The following AGA variants were observed in gnomAD, a reference collection of about 807,000 sequenced individuals.
The protein encoded by AGA is N(4)-(beta-N-acetylglucosaminyl)-L-asparaginase.
Under a neutral mutation model 40.1 loss-of-function variants are expected in AGA, and 31 were observed. The ratio of observed to expected loss-of-function variants is 0.77; its 90% CI spans 0.58 to 1.04. The LOEUF (loss-of-function observed/expected upper bound fraction) is 1.04. AGA is among the 50% of genes least tolerant of loss of function. AGA has a pLI of 0.00. For synonymous variants in AGA, 148 were observed against 144.0 expected (o/e 1.03, Z -0.20); for missense variants, 445 against 435.4 (o/e 1.02, Z -0.20).
At chr4:177,432,356 T>C (rs1460813363) in intron 8 of AGA, among the ~76,000 whole-genome samples, 1 of 152,180 alleles carries the variant, frequency 6.6e-6, no homozygotes, top group Non-Finnish European at 1.5e-5. Flanking sequence ...TCATCCACAA[T>C]TATATAATTA....
intron 6 of AGA, 85 bp from the exon 7 acceptor site, chr4:177,434,574 C>A: frequency 2.7e-6 from 3 of 1,091,632 alleles, no homozygotes; most frequent in Middle Eastern, 2.0e-4. Flanking sequence ...AGGGATAGTT[C>A]CACTTAGCCT....
chr4:177,437,306 A>G (rs1378977173), intron 5 of AGA, 99 bp downstream of exon 5: 3 of 862,904 alleles, frequency 3.5e-6, no homozygotes, highest in Non-Finnish European at 5.8e-6. Flanking sequence ...TTGGCAGTTA[A>G]AACAATCAAA....
In AGA at chr4:177,436,262, T is replaced by C. The variant is rs1367503702; in HGVS notation, c.698+14A>G. 1.9e-6 allele frequency: 3 copies of C among 1,601,498 alleles called. No homozygotes were observed. The highest frequency in any genetic ancestry group is 2.2e-5 in the East Asian group (1 of 44,800). On this transcript the variant is annotated intron_variant, in intron 6 of 8. Transcript: ENST00000264595. ...GTGTATATTTGAGAGCTCTGTTCTTTTGGAAACACTAACCCATGTATTTTG... is the reference window on the plus strand; with the variant it reads ...GTGTATATTTGAGAGCTCTGTTCTTCTGGAAACACTAACCCATGTATTTTG...
chr4:177,434,233 C>T (rs1188500199), intron 7 of AGA, 149 bp downstream of exon 7: 7 of 727,356 alleles, frequency 9.6e-6, no homozygotes, highest in African/African-American at 1.8e-5. Context: ...AAACTCCTGA[C>T]CTCAGGTGAT....
Position 177,437,521 on chromosome 4 carries a change from T to G in AGA, c.508-2A>C. The G allele has an allele frequency of 1.3e-6, 2 of 1,585,888 alleles. No individual in the cohort carries two copies. Among genetic ancestry groups the G allele is most frequent in the Non-Finnish European group, 1.7e-6 (2 of 1,154,514 alleles). On this transcript the variant is annotated splice_acceptor_variant, in intron 4 of 8. Coordinates refer to ENST00000264595, the MANE Select transcript of AGA (RefSeq NM_000027.4). LOFTEE classifies it high-confidence loss of function. Reference sequence around the variant, plus strand: ...TTTTGAGGGATCTGGTATAACATTCTGTAAACAAGATTTAAGTTTTATTTC... The same window carrying G: ...TTTTGAGGGATCTGGTATAACATTCGGTAAACAAGATTTAAGTTTTATTTC...
intron 3 of AGA, 101 bp from the exon 4 acceptor site, chr4:177,438,958 A>T: frequency 1.3e-6 from 1 of 752,482 alleles, no homozygotes; most frequent in South Asian, 1.5e-5. Context: ...ATCTTAAGTG[A>T]GCTACACAAA....
chr4:177,439,773 T>G (rs960114190), intron 2 of AGA, 85 bp from the exon 3 acceptor site: 1 of 1,019,430 alleles, frequency 9.8e-7, no homozygotes, highest in Non-Finnish European at 1.6e-6. Flanking sequence ...CAATCAATAG[T>G]GTTTTGCGGT....
rs1433635506 is a variant in AGA, at chr4:177,440,345, T to C, written c.209A>G (p.Asp70Gly). The change falls in exon 2 of 9, where the codon GAC becomes GGC. Residue 70 changes from aspartate (D) to glycine (G), a missense_variant. Asp to Gly is a moderately conservative substitution (Grantham distance 94, BLOSUM62 -1). Coordinates refer to ENST00000264595, the MANE Select transcript of AGA (RefSeq NM_000027.4). Reference sequence around the variant, plus strand: ...ACTTCCTCCAAAGCCTACAGAGCCGTCACACTGCTCTCTCTCACACATGGC... The same window carrying C: ...ACTTCCTCCAAAGCCTACAGAGCCGCCACACTGCTCTCTCTCACACATGGC... ...GCAMCEREQC[D>G]GSVGFGGSPD... 6.2e-7 allele frequency: 1 copy of C among 1,614,074 alleles called. No homozygotes were observed. The highest frequency in any genetic ancestry group is 1.7e-5 in the Admixed American group (1 of 59,994).
Position 177,440,363 on chromosome 4 carries a change from C to T in AGA, c.191G>A (p.Cys64Tyr). 6.2e-7 allele frequency: 1 copy of T among 1,614,122 alleles called. No homozygotes were observed. Among genetic ancestry groups the T allele is most frequent in the Non-Finnish European group, 8.5e-7 (1 of 1,180,042 alleles). ...AGAGCCGTCACACTGCTCTCTCTCA[C>T]ACATGGCACAGCCGCTCTCCACTGC... ...LDAVESGCAM[C>Y]EREQCDGSVG... Residue 64 changes from cysteine to tyrosine, a missense_variant, in exon 2 of 9, where the codon TGT becomes TAT. By Grantham distance (194) the Cys-to-Tyr change is radical. Coordinates refer to ENST00000264595, the MANE Select transcript of AGA (RefSeq NM_000027.4).
At chr4:177,436,173 G>A (rs1736809441) in intron 6 of AGA, 103 bp downstream of exon 6, 2 of 930,192 alleles carry the variant, frequency 2.2e-6, no homozygotes, top group South Asian at 1.3e-5. Context: ...ATTCATCGCA[G>A]CTGTGAGACT....
chr4:177,437,472 A>G lies in AGA; in HGVS notation c.555T>C (p.Pro185=). The change falls in exon 5 of 9, where the codon CCT becomes CCC. Residue 185 remains proline, a synonymous_variant. Transcript: ENST00000264595. ...PSKYCGPYKP[P]GILKQDIPIH... ...TAGGAATATCCTGCTTTAAGATACC[A>G]GGTGGTTTGTAGGGTCCGCAGTATT... 6.2e-7 allele frequency: 1 copy of G among 1,613,492 alleles called. No individual in the cohort carries two copies. The highest frequency in any genetic ancestry group is 2.2e-5 in the East Asian group (1 of 44,784).
Position 177,436,287 on chromosome 4 carries a change from G to T in AGA, c.687C>A (p.Phe229Leu), listed in dbSNP as rs745689169. 6.2e-7 allele frequency: 1 copy of T among 1,611,872 alleles called. No homozygotes were observed. Among genetic ancestry groups the T allele is most frequent in the South Asian group, 1.1e-5 (1 of 91,012 alleles). The change falls in exon 6 of 9, where the codon TTC (phenylalanine) becomes TTA (leucine). Residue 229 changes from phenylalanine (F) to leucine (L), a missense_variant. Physicochemically the swap from Phe to Leu is conservative, Grantham distance 22 (BLOSUM62 0). Coordinates refer to ENST00000264595, the MANE Select transcript of AGA (RefSeq NM_000027.4). Reference protein sequence around the residue: ...AAGTSTNGIKFKIHGRVGDSP... With the variant: ...AAGTSTNGIKLKIHGRVGDSP... ...TTGGAAACACTAACCCATGTATTTTGAATTTTATACCATTTGTAGATGTAC... is the reference window on the plus strand; with the variant it reads ...TTGGAAACACTAACCCATGTATTTTTAATTTTATACCATTTGTAGATGTAC...
chr4:177,442,210 C>A, intron 1 of AGA, 39 bp downstream of exon 1: 1 of 1,610,958 alleles, frequency 6.2e-7, no homozygotes, highest in East Asian at 2.2e-5. Context: ...CCCGCAAGCT[C>A]TCGCGGCGCA....
chr4:177,435,057 A>G (rs1736766954), intron 6 of AGA, among the ~76,000 whole-genome samples: 1 of 147,714 alleles, frequency 6.8e-6, no homozygotes, highest in East Asian at 2.0e-4. Flanking sequence ...CGAACCACCA[A>G]GCTCAGCTAA....
At chr4:177,441,442 GAAAC>G (rs1737006039) in intron 1 of AGA, among the ~76,000 whole-genome samples, 1 of 152,098 alleles carries the variant, frequency 6.6e-6, no homozygotes, top group African/African-American at 2.4e-5. Flanking sequence ...GCAAATGAAA[GAAAC>G]AAGCATAGTA....
At chr4:177,434,954 A>C (rs1196781267) in intron 6 of AGA, among the ~76,000 whole-genome samples, 3 of 151,846 alleles carry the variant, frequency 2.0e-5, no homozygotes, top group Non-Finnish European at 4.4e-5. Context: ...GCTGGAGTGC[A>C]ATGGCATTGA....
chr4:177,438,843 G>C lies in AGA; in HGVS notation c.409C>G (p.Gln137Glu). 6.3e-7 allele frequency: 1 copy of C among 1,587,950 alleles called. No homozygotes were observed. Among genetic ancestry groups the C allele is most frequent in the Non-Finnish European group, 8.6e-7 (1 of 1,156,104 alleles). ...TCTTCATTGATAAACCCCATACTTTGAGCAAATGTGGTGGCTGGAGATTGG... is the reference window on the plus strand; with the variant it reads ...TCTTCATTGATAAACCCCATACTTTCAGCAAATGTGGTGGCTGGAGATTGG... ...LVGESATTFA[Q>E]SMGFINEDLS... is the part of the protein sequence containing the mutation. The change falls in exon 4 of 9, where the codon CAA becomes GAA. Residue 137 changes from glutamine to glutamate, a missense_variant. By Grantham distance (29) the Gln-to-Glu change is conservative. Transcript: ENST00000264595.
chr4:177,432,299 A>T (rs1287606374), intron 8 of AGA, among the ~76,000 whole-genome samples: 1 of 152,080 alleles, frequency 6.6e-6, no homozygotes, highest in Non-Finnish European at 1.5e-5. Flanking sequence ...CACCTGGGGG[A>T]GGGTCCTCTT....
chr4:177,441,539 A>G (rs1737012131), intron 1 of AGA, among the ~76,000 whole-genome samples: 2 of 152,182 alleles, frequency 1.3e-5, no homozygotes, highest in South Asian at 4.1e-4. Context: ...TCTGGACACG[A>G]GGGCAGTTAA....
Sources: gnomAD v4.1 joint callset for allele counts (sites outside exome capture counted in the v4.1 genomes callset) on GRCh38, gnomAD v4.1.1 for gene constraint, MANE v1.5 for transcripts, NCBI Gene and HGNC (gene_info 2026-07-23, HGNC 2026-07-21) for gene names.